OOSP1: variants seen among roughly 807,000 people sequenced by gnomAD.
The protein encoded by OOSP1 is oocyte secreted protein 1.
OOSP1 carries 11 observed loss-of-function variants against 5.7 expected under a neutral mutation model. The observed-to-expected ratio is 1.94, with a 90% confidence interval of 1.22 to 3.20. OOSP1 has a LOEUF of 3.20. OOSP1 is among the 30% of genes most tolerant of loss of function. OOSP1 has a pLI of 0.00. For synonymous variants in OOSP1, 44 were observed against 20.0 expected, an observed-to-expected ratio of 2.20 and a Z score of -3.20; for missense variants, 83 against 54.1, an observed-to-expected ratio of 1.53 and a Z score of -1.67.
intron 1 of OOSP1, 25 bp from the exon 2 acceptor site, chr11:59,942,822 A>G: frequency 1.4e-6 from 1 of 695,718 alleles, no homozygotes; most frequent in South Asian, 1.5e-5. Flanking sequence ...GCATACTAAC[A>G]AAATTTCTTT....
chr11:59,940,248 T>A (rs1853811465), intron 1 of OOSP1, among the ~76,000 whole-genome samples: 4 of 152,256 alleles, frequency 2.6e-5, no homozygotes, highest in Admixed American at 2.6e-4. Context: ...ATAATATCAA[T>A]ATTCACTGAC....
At chr11:59,953,070 A>T (rs1853956803) in intron 4 of OOSP1, among the ~76,000 whole-genome samples, 1 of 151,976 alleles carries the variant, frequency 6.6e-6, no homozygotes, top group South Asian at 2.1e-4. Flanking sequence ...TTCTGTTTTC[A>T]TGCTTTAAGC....
chr11:59,951,318 A>C (rs887080875), intron 4 of OOSP1, among the ~76,000 whole-genome samples: 6 of 152,102 alleles, frequency 3.9e-5, no homozygotes, highest in Non-Finnish European at 8.8e-5. Context: ...AAAGAGACAG[A>C]TCGCTGAGCA....
chr11:59,942,423 A>C (rs1853838928), intron 1 of OOSP1, among the ~76,000 whole-genome samples: 2 of 152,200 alleles, frequency 1.3e-5, no homozygotes, highest in African/African-American at 4.8e-5. Flanking sequence ...TGTGGGTATA[A>C]AAATGGAAAC....
chr11:59,945,409 T>G, intron 3 of OOSP1, 143 bp downstream of exon 3: 1 of 692,966 alleles, frequency 1.4e-6, no homozygotes, highest in Non-Finnish European at 2.6e-6. Flanking sequence ...CACAGATCTC[T>G]TGATCCTTGG....
At chr11:59,953,717 G>A (rs954051952) in intron 4 of OOSP1, among the ~76,000 whole-genome samples, 1 of 152,124 alleles carries the variant, frequency 6.6e-6, no homozygotes, top group African/African-American at 2.4e-5. Flanking sequence ...CCTCAGAGAA[G>A]GTCCTTGTAA....
At chr11:59,943,000 A>G (rs965796558) in exon 2 of OOSP1, 5 of 702,808 alleles carry the variant, frequency 7.1e-6, no homozygotes, top group Admixed American at 2.0e-5. Flanking sequence ...TTTTTCTACC[A>G]TCCTCATGAC....
chr11:59,946,356 G>A (rs957800522), intron 3 of OOSP1, among the ~76,000 whole-genome samples: 1 of 152,158 alleles, frequency 6.6e-6, no homozygotes, highest in Admixed American at 6.5e-5. Context: ...GTGCCAAAAC[G>A]TTTGGGGACT....
chr11:59,949,481 T>TA (rs1565233060), intron 4 of OOSP1, among the ~76,000 whole-genome samples: 2 of 151,130 alleles, frequency 1.3e-5, no homozygotes, highest in Admixed American at 6.6e-5. Flanking sequence ...CCCTAAAACT[T>TA]AAAGTATAAT....
intron 4 of OOSP1, among the ~76,000 whole-genome samples, chr11:59,956,701 G>T (rs1020144144): frequency 2.0e-5 from 3 of 151,918 alleles, no homozygotes; most frequent in Admixed American, 1.3e-4. Context: ...TTTATCCCTT[G>T]CCCCTTTCCC....
At chr11:59,951,773 GTTTTTTTTTTTTTTTTT>G (rs60435750) in intron 4 of OOSP1, among the ~76,000 whole-genome samples, 1 of 57,994 alleles carries the variant, frequency 1.7e-5, no homozygotes, top group Non-Finnish European at 3.2e-5. Flanking sequence ...CAGTGGCACA[GTTTTTTTTTTTTTTTTT>G]TTTTTTTTTT....
intron 4 of OOSP1, among the ~76,000 whole-genome samples, chr11:59,955,023 T>C (rs1853980752): frequency 6.6e-6 from 1 of 152,032 alleles, no homozygotes; most frequent in African/African-American, 2.4e-5. Flanking sequence ...TAAGCCTGTA[T>C]CTAGTAGTGG....
chr11:59,954,074 C>T (rs576509074), intron 4 of OOSP1, among the ~76,000 whole-genome samples: 1 of 152,292 alleles, frequency 6.6e-6, no homozygotes, highest in East Asian at 1.9e-4. Context: ...CAGCATGTTA[C>T]TGTGCTGGAT....
At chr11:59,940,466 G>A (rs1853813637) in intron 1 of OOSP1, among the ~76,000 whole-genome samples, 1 of 152,168 alleles carries the variant, frequency 6.6e-6, no homozygotes, top group South Asian at 2.1e-4. Context: ...CTGTAAATAT[G>A]TTTCGCAGGC....
intron 4 of OOSP1, among the ~76,000 whole-genome samples, chr11:59,953,010 C>A (rs1209900868): frequency 2.6e-5 from 4 of 152,090 alleles, no homozygotes; most frequent in Non-Finnish European, 5.9e-5. Context: ...ACACATTTTC[C>A]TCTGGTTAGT....
At chr11:59,939,195 G>A (rs1055137672) in intron 1 of OOSP1, among the ~76,000 whole-genome samples, 12 of 138,958 alleles carry the variant, frequency 8.6e-5, no homozygotes, top group African/African-American at 2.7e-4. Context: ...TTTCTCCCTC[G>A]TTCCCTCCTC....
chr11:59,957,078 G>T (rs1364719607), intron 4 of OOSP1, 117 bp from the exon 5 acceptor site: 16 of 390,444 alleles, frequency 4.1e-5, no homozygotes, highest in Non-Finnish European at 6.8e-5. Context: ...ATGCCTTTCT[G>T]TTCACTTTTA....
At chr11:59,939,467 G>T (rs1471014827) in intron 1 of OOSP1, among the ~76,000 whole-genome samples, 1 of 152,068 alleles carries the variant, frequency 6.6e-6, no homozygotes, top group Non-Finnish European at 1.5e-5. Context: ...GGCCAGGCTG[G>T]TCTCAAACTC....
intron 4 of OOSP1, chr11:59,948,692 T>A: frequency 2.5e-6 from 1 of 397,946 alleles, no homozygotes; most frequent in Non-Finnish European, 4.4e-6. Context: ...CTGTCTTTCT[T>A]CCATTTTGGT....
Sources: allele counts gnomAD v4.1 joint callset (sites outside exome capture counted in the v4.1 genomes callset), GRCh38; gene constraint gnomAD v4.1.1; transcripts MANE v1.5; gene names NCBI Gene and HGNC (gene_info 2026-07-23, HGNC 2026-07-21).